The following COL8A1 variants were observed in gnomAD, a reference collection of about 807,000 sequenced individuals.
COL8A1 encodes the protein collagen type VIII alpha 1 chain.
A neutral mutation model predicts 42.7 loss-of-function variants in COL8A1; 21 were observed. That is an observed-to-expected ratio of 0.49 (90% CI 0.35 to 0.71). The LOEUF (loss-of-function observed/expected upper bound fraction) is 0.71, where lower values mean the gene tolerates loss of function less well. Ranked by LOEUF, COL8A1 falls within the 30% of genes least tolerant of loss-of-function variation. COL8A1 has a pLI of 0.01. For synonymous variants in COL8A1, 367 were observed against 369.1 expected, an observed-to-expected ratio of 0.99 and a Z score of 0.06; for missense variants, 788 against 962.4, an observed-to-expected ratio of 0.82 and a Z score of 2.40.
chr3:99,773,830 TA>T (rs1941633040), intron 2 of COL8A1, among the ~76,000 whole-genome samples: 6 of 75,228 alleles, frequency 8.0e-5, no homozygotes, highest in Non-Finnish European at 1.6e-4. Context: ...TATATATATA[TA>T]TATATATTTT....
chr3:99,783,333 G>T (rs1323376081), intron 2 of COL8A1, among the ~76,000 whole-genome samples: 2 of 152,200 alleles, frequency 1.3e-5, no homozygotes, highest in African/African-American at 4.8e-5. Context: ...GTCATTATCT[G>T]CCTATAGCTA....
intron 2 of COL8A1, among the ~76,000 whole-genome samples, chr3:99,752,576 C>T (rs539001169): frequency 1.3e-5 from 2 of 152,130 alleles, no homozygotes; most frequent in African/African-American, 4.8e-5. Context: ...TTCCTCTTAC[C>T]TGCGTTACCT....
intron 1 of COL8A1, among the ~76,000 whole-genome samples, chr3:99,688,702 A>G (rs1443846258): frequency 1.3e-5 from 2 of 152,222 alleles, no homozygotes; most frequent in Non-Finnish European, 2.9e-5. Flanking sequence ...TCTCTGAAGG[A>G]AAATAATGCA....
chr3:99,782,141 C>G (rs1339356019), intron 2 of COL8A1, among the ~76,000 whole-genome samples: 2 of 151,998 alleles, frequency 1.3e-5, no homozygotes, highest in African/African-American at 4.8e-5. Context: ...AAAAAAAAAC[C>G]ATGGATTATT....
At chr3:99,751,429 G>T (rs1214019008) in intron 2 of COL8A1, among the ~76,000 whole-genome samples, 1 of 152,124 alleles carries the variant, frequency 6.6e-6, no homozygotes, top group African/African-American at 2.4e-5. Context: ...GTGGTGGTGG[G>T]TGCCTGTAAT....
intron 1 of COL8A1, among the ~76,000 whole-genome samples, chr3:99,710,034 C>T (rs1387181941): frequency 6.6e-6 from 1 of 152,140 alleles, no homozygotes; most frequent in African/African-American, 2.4e-5. Context: ...TTTTTTAAAC[C>T]ATACACTCAT....
At chr3:99,694,054 G>C (rs1238814815) in intron 1 of COL8A1, among the ~76,000 whole-genome samples, 1 of 152,210 alleles carries the variant, frequency 6.6e-6, no homozygotes, top group Non-Finnish European at 1.5e-5. Context: ...TATACCTATA[G>C]CCTAGGTGTG....
intron 1 of COL8A1, among the ~76,000 whole-genome samples, chr3:99,735,567 G>C (rs954032179): frequency 6.6e-6 from 1 of 150,412 alleles, no homozygotes; most frequent in African/African-American, 2.5e-5. Flanking sequence ...ATTTTATTGA[G>C]GATTTTTGCA....
intron 1 of COL8A1, chr3:99,703,587 T>G (rs1939601851): frequency 6.6e-6 from 1 of 152,270 alleles, no homozygotes. Flanking sequence ...CAGAAATACT[T>G]GACTGTGTCA....
intron 1 of COL8A1, among the ~76,000 whole-genome samples, chr3:99,669,123 T>TA (rs1205797913): frequency 1.0e-5 from 1 of 96,578 alleles, no homozygotes; most frequent in African/African-American, 4.1e-5. Context: ...CTTAAAAAAA[T>TA]TATATATATA....
chr3:99,769,946 A>G (rs188961655), intron 2 of COL8A1, among the ~76,000 whole-genome samples: 1 of 152,280 alleles, frequency 6.6e-6, no homozygotes, highest in Non-Finnish European at 1.5e-5. Flanking sequence ...ACAGATTGAC[A>G]AGAGAAAATC....
At chr3:99,751,009 A>T (rs541782333) in intron 2 of COL8A1, among the ~76,000 whole-genome samples, 1 of 152,334 alleles carries the variant, frequency 6.6e-6, no homozygotes, top group East Asian at 1.9e-4. Flanking sequence ...AGCTGGATAG[A>T]GTCTCAGTGA....
chr3:99,732,455 T>A (rs1232091735), intron 1 of COL8A1, among the ~76,000 whole-genome samples: 4 of 152,186 alleles, frequency 2.6e-5, no homozygotes, highest in Admixed American at 1.3e-4. Context: ...CTTCTTCACA[T>A]GGCAGCAGCA....
At chr3:99,656,225 T>G (rs647882) in intron 1 of COL8A1, among the ~76,000 whole-genome samples, 85,136 of 152,018 alleles carry the variant, frequency 0.56, 25,723 homozygotes, top group Middle Eastern at 0.71. Context: ...GAAAGTTGAG[T>G]TTATTCTAAT....
chr3:99,643,448 T>C (rs547384066), intron 1 of COL8A1, among the ~76,000 whole-genome samples: 2 of 152,272 alleles, frequency 1.3e-5, no homozygotes, highest in South Asian at 2.1e-4. Context: ...AGTGGGTGAA[T>C]GAATGGGGAA....
chr3:99,717,964 A>G (rs1940049019), intron 1 of COL8A1, among the ~76,000 whole-genome samples: 1 of 152,028 alleles, frequency 6.6e-6, no homozygotes, highest in Non-Finnish European at 1.5e-5. Flanking sequence ...TCTTCTAAAC[A>G]GACAAGGGTC....
chr3:99,743,069 C>T (rs1576459639), intron 1 of COL8A1, among the ~76,000 whole-genome samples: 1 of 152,256 alleles, frequency 6.6e-6, no homozygotes, highest in Middle Eastern at 3.4e-3. Context: ...AAGAGAGGCA[C>T]AAAAATTACT....
At chr3:99,657,534 T>C (rs997473687) in intron 1 of COL8A1, among the ~76,000 whole-genome samples, 1 of 152,162 alleles carries the variant, frequency 6.6e-6, no homozygotes, top group Non-Finnish European at 1.5e-5. Context: ...AGTACTAAAA[T>C]CTCATTACCT....
chr3:99,795,146 A>G lies in COL8A1; in HGVS notation c.1245A>G (p.Glu415=). 1 of 1,613,636 alleles carries G rather than the reference A, an allele frequency of 6.2e-7. No individual in the cohort carries two copies. The highest frequency in any genetic ancestry group is 1.7e-5 in the Admixed American group (1 of 60,002). The part of the protein sequence containing the change: ...GAIGFPGPKG[E]GGIVGPQGPP... ...TTGGTTTTCCTGGACCCAAAGGAGAAGGTGGGATTGTAGGGCCACAGGGGC... is the reference window on the plus strand; with the variant it reads ...TTGGTTTTCCTGGACCCAAAGGAGAGGGTGGGATTGTAGGGCCACAGGGGC... The change falls in exon 4 of 4, where the codon GAA becomes GAG. Residue 415 remains glutamate, a synonymous_variant. Coordinates refer to ENST00000652472, the MANE Select transcript of COL8A1 (RefSeq NM_020351.4).
Sources: allele counts gnomAD v4.1 joint callset (sites outside exome capture counted in the v4.1 genomes callset), GRCh38; gene constraint gnomAD v4.1.1; transcripts MANE v1.5; gene names NCBI Gene and HGNC (gene_info 2026-07-23, HGNC 2026-07-21).